CA10: variants seen among roughly 807,000 people sequenced by gnomAD.
The protein encoded by CA10 is carbonic anhydrase 10 (inactive), also known as carbonic anhydrase-related protein 10.
A neutral mutation model predicts 44.2 loss-of-function variants in CA10; 14 were observed. That is an observed-to-expected ratio of 0.32 (90% CI 0.21 to 0.50). The LOEUF (loss-of-function observed/expected upper bound fraction) is 0.50, where lower values mean the gene tolerates loss of function less well. Ranked by LOEUF, CA10 falls within the 20% of genes least tolerant of loss-of-function variation. The pLI is 0.99. For synonymous variants in CA10, 159 were observed against 141.6 expected, an observed-to-expected ratio of 1.12 and a Z score of -0.87; for missense variants, 350 against 409.7, an observed-to-expected ratio of 0.85 and a Z score of 1.26.
At chr17:52,035,198 G>A (rs1185817428) in intron 2 of CA10, among the ~76,000 whole-genome samples, 2 of 152,104 alleles carry the variant, frequency 1.3e-5, no homozygotes, top group Non-Finnish European at 2.9e-5. Flanking sequence ...CTCATCCTGT[G>A]CCTATAAAGA....
intron 3 of CA10, among the ~76,000 whole-genome samples, chr17:51,880,083 GC>G (rs1204034317): frequency 6.6e-6 from 1 of 152,022 alleles, no homozygotes; most frequent in Admixed American, 6.6e-5. Context: ...CATACTCCAG[GC>G]CACTAACCAC....
At chr17:51,733,846 A>G (rs1281439826) in intron 4 of CA10, among the ~76,000 whole-genome samples, 1 of 152,162 alleles carries the variant, frequency 6.6e-6, no homozygotes, top group Non-Finnish European at 1.5e-5. Context: ...GGGGTGTTCA[A>G]TGCAAAGAAA....
intron 1 of CA10, among the ~76,000 whole-genome samples, chr17:52,085,161 G>A (rs1051270760): frequency 5.3e-5 from 8 of 152,220 alleles, no homozygotes; most frequent in Non-Finnish European, 1.2e-4. Context: ...TACCCATGGA[G>A]TGAAGACATT....
intron 2 of CA10, among the ~76,000 whole-genome samples, chr17:51,992,129 C>T (rs1985064017): frequency 6.6e-6 from 1 of 152,064 alleles, no homozygotes; most frequent in African/African-American, 2.4e-5. Flanking sequence ...TAGCTGTGAA[C>T]CTTCCAATCC....
intron 3 of CA10, among the ~76,000 whole-genome samples, chr17:51,850,451 A>G (rs945731428): frequency 6.6e-5 from 10 of 152,174 alleles, no homozygotes; most frequent in Non-Finnish European, 1.3e-4. Flanking sequence ...TAGAGTGGCA[A>G]GTGGGTGGAG....
chr17:51,831,733 A>AGCAGCAGCAGCCGCAGC (rs1567854687), intron 3 of CA10, among the ~76,000 whole-genome samples: 1 of 121,522 alleles, frequency 8.2e-6, no homozygotes, highest in African/African-American at 4.1e-5. Context: ...GCAGCAGCAG[A>AGCAGCAGCAGCCGCAGC]AAAAGACCTT....
chr17:51,720,633 G>A (rs912962340), intron 4 of CA10, among the ~76,000 whole-genome samples: 1 of 152,170 alleles, frequency 6.6e-6, no homozygotes, highest in Admixed American at 6.5e-5. Flanking sequence ...TGGAACTGGA[G>A]GACATTATGC....
At chr17:52,040,543 C>T (rs1986741056) in intron 2 of CA10, among the ~76,000 whole-genome samples, 1 of 151,968 alleles carries the variant, frequency 6.6e-6, no homozygotes, top group South Asian at 2.1e-4. Flanking sequence ...AGTATAGATA[C>T]ATAAAAAGTG....
rs369136556 is a variant in CA10 at position 51,656,564 on chromosome 17, CTGG to C, written c.466-2831_466-2829del. Among the ~76,000 whole-genome samples the C allele has an allele frequency of 2.7e-3, 418 of 152,292 alleles. 1 individual carries two copies. Among genetic ancestry groups the C allele is most frequent in the African/African-American group, 9.6e-3 (398 of 41,568 alleles). On this transcript the variant is annotated intron_variant, in intron 4 of 8. Transcript: ENST00000451037. The stretch of plus-strand genomic sequence containing the variant: ...GAAATTGATCTTTTGCTTTACAAAA[CTGG>C]TGAATTTATAGTTAATACATTCTAG...
At chr17:51,945,342 G>T (rs145122026) in intron 2 of CA10, among the ~76,000 whole-genome samples, 1 of 152,100 alleles carries the variant, frequency 6.6e-6, no homozygotes, top group Admixed American at 6.6e-5. Flanking sequence ...CTCCATCAAG[G>T]GTGGGGTAAA....
chr17:51,979,899 C>T (rs1984593753), intron 2 of CA10, among the ~76,000 whole-genome samples: 2 of 152,168 alleles, frequency 1.3e-5, no homozygotes, highest in Non-Finnish European at 1.5e-5. Flanking sequence ...ATTTGTACCT[C>T]ATTTTCTTTA....
chr17:51,939,203 T>C (rs1234073327), intron 2 of CA10, among the ~76,000 whole-genome samples: 2 of 152,116 alleles, frequency 1.3e-5, no homozygotes, highest in Non-Finnish European at 2.9e-5. Flanking sequence ...CATTATGCCA[T>C]GGATGTCCCT....
chr17:52,159,650 C>T (rs773918614), upstream of CA10: 2 of 152,264 alleles, frequency 1.3e-5, no homozygotes, highest in Non-Finnish European at 2.9e-5. Context: ...CTCCAGGGCC[C>T]CAGGGGAAAG....
At chr17:51,736,267 G>A (rs1320095073) in intron 4 of CA10, among the ~76,000 whole-genome samples, 1 of 152,158 alleles carries the variant, frequency 6.6e-6, no homozygotes, top group South Asian at 2.1e-4. Flanking sequence ...AGCTGCTCAT[G>A]CAAGTAGGTC....
At chr17:51,693,463 AAT>A (rs370666731) in intron 4 of CA10, among the ~76,000 whole-genome samples, 32 of 152,274 alleles carry the variant, frequency 2.1e-4, no homozygotes, top group African/African-American at 7.7e-4. Context: ...CATAGCACCC[AAT>A]AGTTTTTCAG....
intron 1 of CA10, among the ~76,000 whole-genome samples, chr17:52,087,327 A>G (rs1285424036): frequency 6.6e-6 from 1 of 152,158 alleles, no homozygotes; most frequent in Non-Finnish European, 1.5e-5. Flanking sequence ...TTTTTAGTAG[A>G]GACAGAGTTT....
chr17:52,006,756 A>G (rs1985613147), intron 2 of CA10, among the ~76,000 whole-genome samples: 1 of 151,858 alleles, frequency 6.6e-6, no homozygotes, highest in Non-Finnish European at 1.5e-5. Flanking sequence ...TTCAAGTTCA[A>G]TAATATATTC....
At chr17:52,044,510 C>T (rs763500126) in intron 2 of CA10, among the ~76,000 whole-genome samples, 1 of 151,888 alleles carries the variant, frequency 6.6e-6, no homozygotes, top group Admixed American at 6.6e-5. Flanking sequence ...TGTCATGTTG[C>T]CCAGGCTGGT....
rs549491694 is a variant in CA10 at position 51,731,803 on chromosome 17, G to A, written c.465+15830C>T. Among the ~76,000 whole-genome samples, 29 of 151,832 alleles carry A rather than the reference G, an allele frequency of 1.9e-4. No homozygotes were observed. The South Asian group carries it at 5.6e-3, about 29-fold the overall frequency. On this transcript the variant is annotated intron_variant, in intron 4 of 8. Transcript: ENST00000451037. Reference sequence around the variant, plus strand: ...AGCAATTCTTGTGCCTCAGCCTCCCGAGTAGCTGGGATTACAGACACCCAC... The same window carrying A: ...AGCAATTCTTGTGCCTCAGCCTCCCAAGTAGCTGGGATTACAGACACCCAC...
Sources: gnomAD v4.1 joint callset for allele counts (sites outside exome capture counted in the v4.1 genomes callset) on GRCh38, gnomAD v4.1.1 for gene constraint, MANE v1.5 for transcripts, NCBI Gene and HGNC (gene_info 2026-07-23, HGNC 2026-07-21) for gene names.